Variants in COL22A1 observed in about 807,000 individuals in gnomAD.
COL22A1 encodes collagen type XXII alpha 1 chain.
Under a neutral mutation model 248.9 loss-of-function variants are expected in COL22A1, and 221 were observed. The observed-to-expected ratio is 0.89, with a 90% CI of 0.80 to 0.99. COL22A1 has a LOEUF of 0.99. COL22A1 is among the 50% of genes least tolerant of loss of function. The probability of loss-of-function intolerance (pLI) is 0.00; values close to 1 mark genes in which losing one functional copy is unlikely to be tolerated. For synonymous variants in COL22A1, 891 were observed against 793.4 expected (o/e 1.12, Z -2.07); for missense variants, 2,240 against 2,179.0 (o/e 1.03, Z -0.56).
rs893283311 is a variant in COL22A1 at position 138,765,743 on chromosome 8, G to A, written c.1804-3277C>T. On this transcript the variant is annotated intron_variant, in intron 16 of 64. Coordinates refer to ENST00000303045, the MANE Select transcript of COL22A1 (RefSeq NM_152888.3). The stretch of plus-strand genomic sequence containing the variant: ...AGCCAAAGCTGTCTGTCTTGCAGAC[G>A]GCGGGGAGGCAGGACCCAGCTCAGC... Among the ~76,000 whole-genome samples, 5 of 152,316 alleles carry A rather than the reference G, an allele frequency of 3.3e-5. No individual in the cohort carries two copies. In the South Asian group the frequency reaches 8.3e-4, roughly 25 times the overall value.
chr8:138,642,523 ATTG>A (rs1456929585), intron 47 of COL22A1, among the ~76,000 whole-genome samples: 10 of 152,156 alleles, frequency 6.6e-5, no homozygotes, highest in Admixed American at 6.6e-4. Flanking sequence ...TGCAGCACTA[ATTG>A]TTGTTCTTTT....
intron 43 of COL22A1, among the ~76,000 whole-genome samples, chr8:138,660,979 C>CACACAA (rs376227225): frequency 7.3e-6 from 1 of 137,780 alleles, no homozygotes; most frequent in Non-Finnish European, 1.5e-5. Flanking sequence ...CACACATACA[C>CACACAA]ACACACATAC....
At chr8:138,652,811 A>ATC (rs1437391631) in intron 45 of COL22A1, among the ~76,000 whole-genome samples, 29 of 117,812 alleles carry the variant, frequency 2.5e-4, no homozygotes, top group Middle Eastern at 9.1e-3. Flanking sequence ...CAGTGGTGTG[A>ATC]TCTAGGCTCA....
chr8:138,706,193 C>A (rs1018472126), intron 30 of COL22A1, among the ~76,000 whole-genome samples: 1 of 152,134 alleles, frequency 6.6e-6, no homozygotes, highest in Non-Finnish European at 1.5e-5. Context: ...TAATGGGAGA[C>A]TTTAACACCC....
At chr8:138,601,158 T>G (rs150047448) in intron 60 of COL22A1, among the ~76,000 whole-genome samples, 52 of 151,296 alleles carry the variant, frequency 3.4e-4, no homozygotes, top group African/African-American at 1.2e-3. Context: ...CACGGCTGCC[T>G]GAGTCGCATT....
intron 62 of COL22A1, 49 bp downstream of exon 62, chr8:138,596,855 G>A (rs749779465): frequency 1.3e-6 from 2 of 1,554,304 alleles, no homozygotes; most frequent in East Asian, 2.2e-5. Context: ...TGAGAGAACT[G>A]CTTCCTGGGC....
Position 138,862,026 on chromosome 8 carries a change from T to TAAAA in COL22A1, c.658+15720_658+15723dup, listed in dbSNP as rs386414193. On this transcript the variant is annotated intron_variant, in intron 3 of 64. Transcript: ENST00000303045. ...CAACATGGTGAAACCCTGTCTCTAC[T>TAAAA]AAAAAAAAAAAAAAAAAAAAAGAAA... Among the ~76,000 whole-genome samples, 120 of 93,232 alleles carry TAAAA rather than the reference T, an allele frequency of 1.3e-3. 2 individuals are homozygous for TAAAA. Among genetic ancestry groups the TAAAA allele is most frequent in the East Asian group, 3.0e-3 (8 of 2,698 alleles). 61.2% of individuals were successfully genotyped at this position (93,232 alleles called of 152,430 possible).
rs1163620015 is a variant in COL22A1 at position 138,693,648 on chromosome 8, G to C, written c.2752C>G (p.Pro918Ala). 5.7e-6 allele frequency: 9 copies of C among 1,583,990 alleles called. No individual in the cohort carries two copies. Among genetic ancestry groups the C allele is most frequent in the Non-Finnish European group, 7.7e-6 (9 of 1,164,962 alleles). The change falls in exon 35 of 65, where the codon CCC (proline) becomes GCC (alanine). Residue 918 changes from proline to alanine, a missense_variant and splice_region_variant. Coordinates refer to ENST00000303045, the MANE Select transcript of COL22A1 (RefSeq NM_152888.3). ...AHGAPGAAGNPGAPGHVGAPG... is the reference protein window; with the variant it reads ...AHGAPGAAGNAGAPGHVGAPG... ...GCAGGCCGATCATAGGGACTCACGGGGTTTCCAGCTGCTCCAGGAGCCCCA... is the reference window on the plus strand; with the variant it reads ...GCAGGCCGATCATAGGGACTCACGGCGTTTCCAGCTGCTCCAGGAGCCCCA...
At chr8:138,659,979 C>T (rs1234282940) in intron 44 of COL22A1, among the ~76,000 whole-genome samples, 8 of 152,222 alleles carry the variant, frequency 5.3e-5, no homozygotes, top group African/African-American at 1.7e-4. Context: ...TGCTCATTTG[C>T]TCACCCCAGA....
chr8:138,790,615 T>C (rs1815948722), intron 12 of COL22A1, among the ~76,000 whole-genome samples: 1 of 152,200 alleles, frequency 6.6e-6, no homozygotes, highest in Admixed American at 6.5e-5. Context: ...TTGAAAAACA[T>C]TGAAGAAATA....
rs117420628 is a variant in COL22A1 at position 138,654,829 on chromosome 8, C to T, written c.3333+1068G>A. ...ATCTTGGCCGAGTTATGTTCAACCT[C>T]TCAGGACCTTTTCCTCTCGTGGGAA... On this transcript the variant is annotated intron_variant, in intron 45 of 64. Coordinates refer to ENST00000303045, the MANE Select transcript of COL22A1 (RefSeq NM_152888.3). Among the ~76,000 whole-genome samples, 554 of 152,302 alleles carry T rather than the reference C, an allele frequency of 3.6e-3. 1 individual carries two copies. Among genetic ancestry groups the T allele is most frequent in the Non-Finnish European group, 5.1e-3 (350 of 68,032 alleles).
At chr8:138,662,287 A>T (rs967707387) in intron 42 of COL22A1, among the ~76,000 whole-genome samples, 1 of 152,146 alleles carries the variant, frequency 6.6e-6, no homozygotes, top group African/African-American at 2.4e-5. Context: ...ACACAGAGAG[A>T]ATGCTCTGGA....
chr8:138,850,546 G>A (rs117285666), intron 3 of COL22A1, among the ~76,000 whole-genome samples: 4,962 of 152,266 alleles, frequency 0.033, 119 homozygotes, highest in Middle Eastern at 0.075. Context: ...GATGGGAGCC[G>A]GGGATGCAGT....
intron 45 of COL22A1, 47 bp downstream of exon 45, chr8:138,655,850 G>A (rs546529713): frequency 6.1e-6 from 9 of 1,472,182 alleles, no homozygotes; most frequent in South Asian, 4.6e-5. Flanking sequence ...CTCCAATCCC[G>A]CCATCACCAT....
At chr8:138,779,608 C>T in intron 13 of COL22A1, 46 bp from the exon 14 acceptor site, 4 of 1,325,310 alleles carry the variant, frequency 3.0e-6, no homozygotes, top group Non-Finnish European at 4.4e-6. Context: ...GGGACACAGG[C>T]CCAGGTACAC....
intron 52 of COL22A1, chr8:138,620,019 C>T (rs543180909): frequency 2.3e-4 from 39 of 166,022 alleles, no homozygotes; most frequent in African/African-American, 7.4e-4. Context: ...ACTGGCAGGG[C>T]GACCTGTGAC....
chr8:138,670,277 A>G (rs72727898), intron 41 of COL22A1, among the ~76,000 whole-genome samples: 9,028 of 152,162 alleles, frequency 0.059, 627 homozygotes, highest in African/African-American at 0.17. Context: ...TGGAGTCTGG[A>G]AGGTGGTGTG....
chr8:138,661,585 G>A (rs1436591855), intron 43 of COL22A1, among the ~76,000 whole-genome samples: 1 of 152,186 alleles, frequency 6.6e-6, no homozygotes, highest in Admixed American at 6.5e-5. Flanking sequence ...AGAGATGACT[G>A]TCATTGTCAC....
chr8:138,633,346 T>A (rs146292799), intron 49 of COL22A1, among the ~76,000 whole-genome samples: 55 of 152,362 alleles, frequency 3.6e-4, no homozygotes, highest in Admixed American at 3.3e-3. Flanking sequence ...TGATTGTTTC[T>A]GGGCCTCCAA....
Sources: allele counts gnomAD v4.1 joint callset (sites outside exome capture counted in the v4.1 genomes callset), GRCh38; gene constraint gnomAD v4.1.1; transcripts MANE v1.5; gene names NCBI Gene and HGNC (gene_info 2026-07-23, HGNC 2026-07-21).